The following DSCAM variants were observed in gnomAD, a reference collection of about 807,000 sequenced individuals.
DSCAM encodes the protein DS cell adhesion molecule.
Under a neutral mutation model 217.7 loss-of-function variants are expected in DSCAM, and 47 were observed. That is an observed-to-expected ratio of 0.22 (90% CI 0.17 to 0.28). The LOEUF (loss-of-function observed/expected upper bound fraction) is 0.28. Among genes scored for constraint, DSCAM ranks in the 10% least tolerant of loss-of-function variants. DSCAM has a pLI of 1.00. For synonymous variants in DSCAM, 1,056 were observed against 1,015.3 expected (o/e 1.04, Z -0.76); for missense variants, 2,080 against 2,618.3 (o/e 0.79, Z 4.49).
intron 3 of DSCAM, among the ~76,000 whole-genome samples, chr21:40,424,533 G>A (rs1027350706): frequency 3.3e-5 from 5 of 152,176 alleles, no homozygotes; most frequent in Admixed American, 6.5e-5. Context: ...CTGTCAGGGA[G>A]AACATGGCCC....
intron 3 of DSCAM, among the ~76,000 whole-genome samples, chr21:40,542,027 T>A (rs1021540579): frequency 6.6e-6 from 1 of 152,096 alleles, no homozygotes; most frequent in Non-Finnish European, 1.5e-5. Context: ...CAAAAGAGCA[T>A]GGAGAAAAAG....
intron 3 of DSCAM, among the ~76,000 whole-genome samples, chr21:40,495,549 A>T (rs890150210): frequency 2.0e-5 from 3 of 152,208 alleles, no homozygotes; most frequent in African/African-American, 7.2e-5. Flanking sequence ...AATAAAGGGC[A>T]TATGTGACAA....
At chr21:40,058,439 T>C (rs945925487) in intron 28 of DSCAM, among the ~76,000 whole-genome samples, 1 of 152,208 alleles carries the variant, frequency 6.6e-6, no homozygotes, top group African/African-American at 2.4e-5. Flanking sequence ...TCTGCCTCTC[T>C]CACTGGAAAA....
At chr21:40,728,373 C>G (rs952052310) in intron 1 of DSCAM, among the ~76,000 whole-genome samples, 1 of 152,006 alleles carries the variant, frequency 6.6e-6, no homozygotes, top group African/African-American at 2.4e-5. Context: ...CAATAAGTCT[C>G]AGTGACATAT....
At chr21:40,496,654 T>C (rs1254755698) in intron 3 of DSCAM, among the ~76,000 whole-genome samples, 1 of 152,078 alleles carries the variant, frequency 6.6e-6, no homozygotes, top group Non-Finnish European at 1.5e-5. Flanking sequence ...ACTAGGATTA[T>C]ATCAACTTAA....
chr21:40,827,790 G>C (rs539647669), intron 1 of DSCAM, among the ~76,000 whole-genome samples: 1 of 152,154 alleles, frequency 6.6e-6, no homozygotes, highest in Non-Finnish European at 1.5e-5. Context: ...TTTGTGTATC[G>C]TTCAACTCAT....
intron 3 of DSCAM, among the ~76,000 whole-genome samples, chr21:40,404,047 G>A (rs1186079985): frequency 1.3e-5 from 2 of 152,050 alleles, no homozygotes; most frequent in Non-Finnish European, 2.9e-5. Context: ...ACATAAATGA[G>A]AAAGCCCTGA....
chr21:40,334,334 G>A (rs2074406974), intron 8 of DSCAM, among the ~76,000 whole-genome samples: 1 of 152,004 alleles, frequency 6.6e-6, no homozygotes, highest in Admixed American at 6.6e-5. Flanking sequence ...TCCTCAAACG[G>A]CTCCACTGCA....
intron 11 of DSCAM, among the ~76,000 whole-genome samples, chr21:40,216,450 G>T (rs56346024): frequency 0.038 from 5,748 of 151,844 alleles, 248 homozygotes; most frequent in African/African-American, 0.1. Context: ...TATTAAACTG[G>T]TTGCTTTATA....
rs374304833 is a variant in DSCAM, at chr21:40,563,050, G to A, written c.508+129760C>T. 4.6e-5 allele frequency among the ~76,000 whole-genome samples: 7 copies of A among 152,202 alleles called. 1 individual carries two copies. Among genetic ancestry groups the A allele is most frequent in the African/African-American group, 1.4e-4 (6 of 41,530 alleles). The stretch of plus-strand genomic sequence containing the variant: ...CAATCGCCCGGATTTGCTGAAGCAG[G>A]GTGAGTTATCCCTAAGAAAAGCTTA... On this transcript the variant is annotated intron_variant, in intron 3 of 32. Coordinates refer to ENST00000400454, the MANE Select transcript of DSCAM (RefSeq NM_001389.5).
intron 10 of DSCAM, among the ~76,000 whole-genome samples, chr21:40,281,993 A>G (rs997627992): frequency 1.3e-5 from 2 of 152,094 alleles, no homozygotes; most frequent in Non-Finnish European, 2.9e-5. Context: ...TGAGATAATC[A>G]TTTTTTTCTC....
rs1032432420 is a variant in DSCAM at position 40,756,204 on chromosome 21, T to C, written c.44-47433A>G. On this transcript the variant is annotated intron_variant, in intron 1 of 32. Coordinates refer to ENST00000400454, the MANE Select transcript of DSCAM (RefSeq NM_001389.5). ...TTGTGAGATCTGGTTATTTGAAAGT[T>C]TGTGGCACCTCCCCCCTCTCTTCCT... 3.0e-4 allele frequency among the ~76,000 whole-genome samples: 45 copies of C among 152,078 alleles called. 1 individual carries two copies. The highest frequency in any genetic ancestry group is 1.5e-5 in the Non-Finnish European group (1 of 68,014).
intron 3 of DSCAM, among the ~76,000 whole-genome samples, chr21:40,598,479 G>C (rs552882792): frequency 4.5e-5 from 6 of 134,050 alleles, no homozygotes; most frequent in Admixed American, 7.6e-5. Flanking sequence ...TGTTTAGTTT[G>C]TAAGAAACTG....
intron 3 of DSCAM, among the ~76,000 whole-genome samples, chr21:40,589,447 G>A (rs1046312434): frequency 2.0e-5 from 3 of 152,034 alleles, no homozygotes; most frequent in Non-Finnish European, 4.4e-5. Context: ...GTGGTGGCAT[G>A]TGCCTGTAAT....
chr21:40,657,210 A>T (rs1187890001), intron 3 of DSCAM, among the ~76,000 whole-genome samples: 1 of 152,180 alleles, frequency 6.6e-6, no homozygotes, highest in Non-Finnish European at 1.5e-5. Context: ...GTTGCCTTAC[A>T]TGACCTTGTG....
chr21:40,094,089 T>A (rs1044157010), intron 20 of DSCAM, among the ~76,000 whole-genome samples: 3 of 152,152 alleles, frequency 2.0e-5, no homozygotes, highest in African/African-American at 4.8e-5. Context: ...TGGCCACCAA[T>A]AAATAATTTA....
In DSCAM at chr21:40,608,756, C is replaced by T. The variant is rs1267533258; in HGVS notation, c.508+84054G>A. Among the ~76,000 whole-genome samples, 6 of 152,140 alleles carry T rather than the reference C, an allele frequency of 3.9e-5. No individual in the cohort carries two copies. The South Asian group carries it at 6.2e-4, about 16-fold the overall frequency. On this transcript the variant is annotated intron_variant, in intron 3 of 32. Transcript: ENST00000400454. ...AATTGTTGGGAAATTTAAATAAATTCACATATTTAGAAAGTTAACTTTGCA... is the reference window on the plus strand; with the variant it reads ...AATTGTTGGGAAATTTAAATAAATTTACATATTTAGAAAGTTAACTTTGCA...
chr21:40,692,847 G>A lies in DSCAM; in HGVS notation c.471C>T (p.Val157=), dbSNP rs956272279. The A allele has an allele frequency of 5.6e-6, 9 of 1,613,906 alleles. No individual in the cohort carries two copies. The highest frequency in any genetic ancestry group is 7.6e-6 in the Non-Finnish European group (9 of 1,179,860). ...AAACAGTGTCTTTCTCCCATGAGAC[G>A]ACAGTGATGTACGCCTCCACCGAGG... ...IPSSVEAYIT[V]VSWEKDTVSL... Residue 157 remains valine (V), a synonymous_variant, in exon 3 of 33, where the codon GTC becomes GTT. Transcript: ENST00000400454.
intron 20 of DSCAM, among the ~76,000 whole-genome samples, chr21:40,094,616 G>T (rs1280291144): frequency 6.6e-6 from 1 of 152,176 alleles, no homozygotes; most frequent in Non-Finnish European, 1.5e-5. Flanking sequence ...ACAGGGATGG[G>T]AGTAGTGGCT....
Sources: gnomAD v4.1 joint callset for allele counts (sites outside exome capture counted in the v4.1 genomes callset) on GRCh38, gnomAD v4.1.1 for gene constraint, MANE v1.5 for transcripts, NCBI Gene and HGNC (gene_info 2026-07-23, HGNC 2026-07-21) for gene names.